The following THSD4 variants were observed in gnomAD, a reference collection of about 807,000 sequenced individuals.
THSD4 encodes thrombospondin type 1 domain containing 4.
Under a neutral mutation model 119.0 loss-of-function variants are expected in THSD4, and 69 were observed. The ratio of observed to expected loss-of-function variants is 0.58; its 90% CI spans 0.48 to 0.71. The LOEUF (loss-of-function observed/expected upper bound fraction) is 0.71. Ranked by LOEUF, THSD4 falls within the 30% of genes least tolerant of loss-of-function variation. THSD4 has a pLI of 0.00. For missense variants in THSD4, 1,393 were observed against 1,391.1 expected, an observed-to-expected ratio of 1.00 and a Z score of -0.02; for synonymous variants, 524 against 540.4, an observed-to-expected ratio of 0.97 and a Z score of 0.42.
intron 6 of THSD4, among the ~76,000 whole-genome samples, chr15:71,411,138 T>A (rs550923563): frequency 6.6e-6 from 1 of 152,186 alleles, no homozygotes; most frequent in African/African-American, 2.4e-5. Context: ...TGCACCAACG[T>A]AATTAATTAT....
intron 4 of THSD4, 48 bp downstream of exon 4, chr15:71,215,447 TCTGCCCCTGTCC>T (rs1380739133): frequency 6.8e-7 from 1 of 1,461,530 alleles, no homozygotes; most frequent in Non-Finnish European, 9.1e-7. Context: ...TGTCCCAGTA[TCTGCCCCTGTCC>T]CTGCCCCTGC....
intron 7 of THSD4, among the ~76,000 whole-genome samples, chr15:71,655,845 G>C (rs764645890): frequency 3.9e-5 from 6 of 152,210 alleles, no homozygotes; most frequent in Non-Finnish European, 8.8e-5. Context: ...ACACAAACCA[G>C]AATTCAAGCC....
In THSD4 at chr15:71,115,845, G is replaced by A. The variant is rs1430060170; in HGVS notation, c.-80+147G>A. The A allele has an allele frequency of 7.6e-4, 116 of 151,864 alleles. 1 individual carries two copies. Among genetic ancestry groups the A allele is most frequent in the African/African-American group, 2.7e-3 (111 of 41,516 alleles). 9.4% of individuals were successfully genotyped at this position (151,864 alleles called of 1,614,324 possible). A position where few individuals can be genotyped will look rare whatever the true frequency, so the allele number is the denominator to read the frequency against. On this transcript the variant is annotated intron_variant, in intron 1 of 17. Transcript: ENST00000261862. This position sits in a 1 kb window ranked among gnomAD's most constrained non-coding sequence, Gnocchi z 4.4. ...CAGTGGGTGTGTCCGGGGCGCCGCG[G>A]GCTGCGCCGCTCCGGGCTCGGGGAG...
At chr15:71,443,205 T>C (rs533375656) in intron 7 of THSD4, among the ~76,000 whole-genome samples, 5 of 152,062 alleles carry the variant, frequency 3.3e-5, no homozygotes, top group African/African-American at 1.2e-4. Flanking sequence ...AAATACAAAG[T>C]TGGAGGAGGA....
rs552811424 is a variant in THSD4 at position 71,593,573 on chromosome 15, C to T, written c.1153-66957C>T. Among the ~76,000 whole-genome samples the T allele has an allele frequency of 3.3e-5, 5 of 152,136 alleles. No homozygotes were observed. The South Asian group carries it at 8.3e-4, about 25-fold the overall frequency. ...GACAGTGCCCTCCTACCTGTTCCTGCTCTTCTGTCCTCGGTGTTTGGATGC... is the reference window on the plus strand; with the variant it reads ...GACAGTGCCCTCCTACCTGTTCCTGTTCTTCTGTCCTCGGTGTTTGGATGC... On this transcript the variant is annotated intron_variant, in intron 7 of 17. Coordinates refer to ENST00000261862, the MANE Select transcript of THSD4 (RefSeq NM_024817.3).
At position 71,344,769 on chromosome 15, in the gene THSD4, C is replaced by T. The variant is rs1596353162; in HGVS notation, c.1016-66918C>T. Among the ~76,000 whole-genome samples the T allele has an allele frequency of 6.6e-5, 10 of 152,140 alleles. 1 individual carries two copies. In the South Asian group the frequency reaches 2.1e-3, roughly 31 times the overall value. ...GAGCATTCACAAAGATTTCTTGTGC[C>T]TACTTCCACGGATGTACAAGGTCTA... is the stretch of plus-strand genomic sequence containing the variant. On this transcript the variant is annotated intron_variant, in intron 6 of 17. Coordinates refer to ENST00000261862, the MANE Select transcript of THSD4 (RefSeq NM_024817.3).
chr15:71,134,522 G>A (rs1287947637), intron 1 of THSD4, among the ~76,000 whole-genome samples: 1 of 151,818 alleles, frequency 6.6e-6, no homozygotes, highest in East Asian at 1.9e-4. Context: ...GGAAAAGTCT[G>A]TAAGAAACTC....
At chr15:71,581,862 T>C (rs1373895152) in intron 7 of THSD4, among the ~76,000 whole-genome samples, 1 of 152,200 alleles carries the variant, frequency 6.6e-6, no homozygotes, top group Non-Finnish European at 1.5e-5. Context: ...TTCCGTTCCA[T>C]TGGTCTATAA....
chr15:71,319,952 A>G (rs1325968709), intron 6 of THSD4, among the ~76,000 whole-genome samples: 1 of 152,208 alleles, frequency 6.6e-6, no homozygotes, highest in Non-Finnish European at 1.5e-5. Flanking sequence ...TAAATCTTTA[A>G]AAGGACGGTA....
At chr15:71,326,703 ATATATATAT>A in intron 6 of THSD4, among the ~76,000 whole-genome samples, 1 of 41,692 alleles carries the variant, frequency 2.4e-5, no homozygotes, top group Non-Finnish European at 4.8e-5. Context: ...AAAAAAAAAT[ATATATATAT>A]ATATATATAT....
chr15:71,558,135 C>T (rs372501855), intron 7 of THSD4, among the ~76,000 whole-genome samples: 1 of 152,156 alleles, frequency 6.6e-6, no homozygotes. Flanking sequence ...CAAGACCAGA[C>T]TGGCCAACAT....
intron 7 of THSD4, among the ~76,000 whole-genome samples, chr15:71,611,603 A>G (rs2140911715): frequency 6.6e-6 from 1 of 152,356 alleles, no homozygotes; most frequent in African/African-American, 2.4e-5. Flanking sequence ...CAGATCAATA[A>G]CAAGCAACCA....
rs570659803 is a variant in THSD4 at position 71,621,621 on chromosome 15, A to C, written c.1153-38909A>C. Among the ~76,000 whole-genome samples the C allele has an allele frequency of 2.0e-5, 3 of 152,332 alleles. No individual in the cohort carries two copies. In the South Asian group the frequency reaches 6.2e-4, roughly 32 times the overall value. On this transcript the variant is annotated intron_variant, in intron 7 of 17. Transcript: ENST00000261862. ...TTAACTGTTACTATAGCTATCATTCAATAATATTTTCAAAAATTAATAGCT... is the reference window on the plus strand; with the variant it reads ...TTAACTGTTACTATAGCTATCATTCCATAATATTTTCAAAAATTAATAGCT...
At chr15:71,679,484 C>A (rs1436161022) in intron 8 of THSD4, among the ~76,000 whole-genome samples, 1 of 152,184 alleles carries the variant, frequency 6.6e-6, no homozygotes, top group African/African-American at 2.4e-5. Context: ...CCAAGTTTAG[C>A]CCTCATGCTG....
chr15:71,502,541 T>C (rs1234031418), intron 7 of THSD4, among the ~76,000 whole-genome samples: 1 of 152,196 alleles, frequency 6.6e-6, no homozygotes, highest in African/African-American at 2.4e-5. Flanking sequence ...ATGAACTGAG[T>C]GCAGTAGTAA....
At chr15:71,241,687 G>T (rs1024368666) in intron 4 of THSD4, among the ~76,000 whole-genome samples, 1 of 152,098 alleles carries the variant, frequency 6.6e-6, no homozygotes, top group Non-Finnish European at 1.5e-5. Flanking sequence ...TTACACCATA[G>T]GAGTGGGCAA....
At chr15:71,230,446 A>T (rs2044051512) in intron 4 of THSD4, among the ~76,000 whole-genome samples, 1 of 152,240 alleles carries the variant, frequency 6.6e-6, no homozygotes, top group African/African-American at 2.4e-5. Context: ...CCTTCAGGGC[A>T]GTGCAGCCGT....
At chr15:71,446,784 G>A (rs988063116) in intron 7 of THSD4, among the ~76,000 whole-genome samples, 4 of 152,136 alleles carry the variant, frequency 2.6e-5, no homozygotes, top group Non-Finnish European at 5.9e-5. Flanking sequence ...TTTTCAGGAT[G>A]TCTGCCACAG....
chr15:71,660,610 T>A lies in THSD4; in HGVS notation c.1233T>A (p.Cys411Ter). Residue 411 changes from cysteine (C) to a stop codon, truncating the protein, a stop_gained, in exon 8 of 18, where the codon TGT becomes TGA. Transcript: ENST00000261862. LOFTEE classifies it high-confidence loss of function. Reference protein sequence around the residue: ...CGVCGGDNTGCQVVSGVFKHA... With the variant: ...CGVCGGDNTG Reference sequence around the variant, plus strand: ...TGTGTGGAGGAGACAACACGGGCTGTCAGGTTGTGTCGGGCGTGTTTAAGC... The same window carrying A: ...TGTGTGGAGGAGACAACACGGGCTGACAGGTTGTGTCGGGCGTGTTTAAGC... 2 of 1,614,188 alleles carry A rather than the reference T, an allele frequency of 1.2e-6. No individual in the cohort carries two copies. Among genetic ancestry groups the A allele is most frequent in the Non-Finnish European group, 1.7e-6 (2 of 1,180,012 alleles).
Sources: allele counts gnomAD v4.1 joint callset (sites outside exome capture counted in the v4.1 genomes callset), GRCh38; gene constraint gnomAD v4.1.1; non-coding constraint Gnocchi (gnomAD v3.1); transcripts MANE v1.5; gene names NCBI Gene and HGNC (gene_info 2026-07-23, HGNC 2026-07-21).